The following MIB1 variants were observed in gnomAD, a reference collection of about 807,000 sequenced individuals.
MIB1 encodes the protein E3 ubiquitin-protein ligase MIB1.
MIB1 carries 278 observed loss-of-function variants against 124.5 expected under a neutral mutation model. That is an observed-to-expected ratio of 2.23 (90% confidence interval 2.02 to 2.47). The LOEUF (loss-of-function observed/expected upper bound fraction) is 2.47. MIB1 is among the 30% of genes most tolerant of loss of function. The probability of loss-of-function intolerance (pLI) is 0.00; values close to 1 mark genes in which losing one functional copy is unlikely to be tolerated. For synonymous variants in MIB1, 446 were observed against 429.4 expected (o/e 1.04, Z -0.48); for missense variants, 957 against 1,254.4 (o/e 0.76, Z 3.58).
At chr18:21,790,231 T>G (rs548076089) in intron 6 of MIB1, among the ~76,000 whole-genome samples, 3 of 152,368 alleles carry the variant, frequency 2.0e-5, no homozygotes, top group Non-Finnish European at 4.4e-5. Context: ...ATGTATGCTT[T>G]GATCAGATAG....
chr18:21,709,334 A>G (rs1255873982), intron 1 of MIB1, among the ~76,000 whole-genome samples: 2 of 151,530 alleles, frequency 1.3e-5, no homozygotes, highest in African/African-American at 2.4e-5. Context: ...AAAAAAAAAA[A>G]AAGTCGTGGT....
chr18:21,765,094 C>A (rs1185548441), intron 1 of MIB1, among the ~76,000 whole-genome samples: 2 of 152,086 alleles, frequency 1.3e-5, no homozygotes, highest in Non-Finnish European at 2.9e-5. Context: ...TATATTGGTA[C>A]CTTTTATAGT....
Position 21,765,924 on chromosome 18 carries a change from A to G in MIB1, c.382A>G (p.Thr128Ala). Residue 128 changes from threonine to alanine, a missense_variant, in exon 2 of 21, where the codon ACT (threonine) becomes GCT (alanine). Transcript: ENST00000261537. ...TTTAAGACATCGCTTTTACCGAATT[A>G]CTACACCGGGAAGTGAGAGGTAGGG... is the stretch of plus-strand genomic sequence containing the variant. The part of the protein sequence containing the change: ...HHLRHRFYRI[T>A]TPGSERVLLE... 2 of 1,614,074 alleles carry G rather than the reference A, an allele frequency of 1.2e-6. No homozygotes were observed. The highest frequency in any genetic ancestry group is 2.2e-5 in the South Asian group (2 of 91,070).
rs573203298 is a variant in MIB1, at chr18:21,742,276, C to CTT, written c.229+481_229+482dup. 4.8e-3 allele frequency among the ~76,000 whole-genome samples: 662 copies of CTT among 136,752 alleles called. 5 individuals are homozygous for CTT. The highest frequency in any genetic ancestry group is 8.6e-3 in the African/African-American group (322 of 37,266). The allele number at this position is 136,752 out of a possible 152,430, so 89.7% of individuals were successfully genotyped here. On this transcript the variant is annotated intron_variant, in intron 1 of 20. Transcript: ENST00000261537. Reference sequence around the variant, plus strand: ...TGGTACCTCGGATTTGTGGAGATGCCTTTTTTTTTTTTTTTTTTAACCTCC... The same window carrying CTT: ...TGGTACCTCGGATTTGTGGAGATGCCTTTTTTTTTTTTTTTTTTTTAACCTCC...
intron 4 of MIB1, among the ~76,000 whole-genome samples, chr18:21,776,615 TTAG>T (rs1263168761): frequency 2.6e-5 from 4 of 152,348 alleles, no homozygotes; most frequent in Admixed American, 1.3e-4. Context: ...ATTCAGATAC[TTAG>T]TAATTTGTTT....
intron 9 of MIB1, among the ~76,000 whole-genome samples, chr18:21,802,704 A>G (rs2041663013): frequency 6.6e-6 from 1 of 152,128 alleles, no homozygotes; most frequent in Non-Finnish European, 1.5e-5. Context: ...GTTCTTCTAT[A>G]AGAGGGGACA....
chr18:21,766,833 G>A (rs754038113), intron 2 of MIB1, among the ~76,000 whole-genome samples: 5 of 151,980 alleles, frequency 3.3e-5, no homozygotes, highest in African/African-American at 4.8e-5. Flanking sequence ...GAGGCCAGGC[G>A]TTCAAGACCA....
At chr18:21,719,963 T>C (rs1363218316) in intron 1 of MIB1, among the ~76,000 whole-genome samples, 1 of 152,130 alleles carries the variant, frequency 6.6e-6, no homozygotes, top group Non-Finnish European at 1.5e-5. Context: ...AACCCAAATA[T>C]GAGATATCTA....
intron 1 of MIB1, among the ~76,000 whole-genome samples, chr18:21,748,730 C>A (rs1307626348): frequency 1.9e-5 from 2 of 107,136 alleles, no homozygotes; most frequent in Admixed American, 2.0e-4. Flanking sequence ...CATGCCCAGC[C>A]TTTTTTTTTT....
At chr18:21,767,176 C>T (rs548286500) in intron 2 of MIB1, among the ~76,000 whole-genome samples, 16 of 152,152 alleles carry the variant, frequency 1.1e-4, no homozygotes, top group Admixed American at 8.5e-4. Flanking sequence ...GAAGAAATAC[C>T]CGAGACTGGG....
At chr18:21,718,295 T>C (rs2040698764) in intron 1 of MIB1, among the ~76,000 whole-genome samples, 1 of 152,184 alleles carries the variant, frequency 6.6e-6, no homozygotes, top group African/African-American at 2.4e-5. Flanking sequence ...CAGTGTATAC[T>C]GCTTGGGTGA....
upstream of MIB1, among the ~76,000 whole-genome samples, chr18:21,740,310 T>G (rs2040830119): frequency 6.6e-6 from 1 of 152,236 alleles, no homozygotes; most frequent in South Asian, 2.1e-4. Flanking sequence ...ACCCTAATTC[T>G]GCATAAAGTC....
At chr18:21,747,249 A>G (rs764577148) in intron 1 of MIB1, among the ~76,000 whole-genome samples, 3 of 152,220 alleles carry the variant, frequency 2.0e-5, no homozygotes, top group African/African-American at 7.2e-5. Flanking sequence ...ATGAAAGTCT[A>G]TCTAGTTCTT....
chr18:21,844,246 A>G lies in MIB1; in HGVS notation c.2204A>G (p.Lys735Arg), dbSNP rs777028210. The G allele has an allele frequency of 5.0e-6, 8 of 1,613,986 alleles. No homozygotes were observed. The highest frequency in any genetic ancestry group is 2.7e-5 in the African/African-American group (2 of 74,940). The change falls in exon 15 of 21, where the codon AAA becomes AGA. Residue 735 changes from lysine (K) to arginine (R), a missense_variant. By Grantham distance (26) the Lys-to-Arg change is conservative. Coordinates refer to ENST00000261537, the MANE Select transcript of MIB1 (RefSeq NM_020774.4). ...GTGGATGCTGCCTGGGAGCCATCCA[A>G]AAACACGGTGAGTAAAGATCATCTT... is the stretch of plus-strand genomic sequence containing the variant. Reference protein sequence around the residue: ...GKVDAAWEPSKNTLIMGLGTQ... With the variant: ...GKVDAAWEPSRNTLIMGLGTQ...
At chr18:21,773,235 G>GC (rs1460279716) in intron 3 of MIB1, among the ~76,000 whole-genome samples, 13 of 152,120 alleles carry the variant, frequency 8.5e-5, no homozygotes, top group Admixed American at 7.2e-4. Flanking sequence ...CTGCACTCCA[G>GC]CCCGGGCGAC....
chr18:21,794,469 CTCTA>C (rs2041551210), intron 7 of MIB1, among the ~76,000 whole-genome samples: 1 of 151,394 alleles, frequency 6.6e-6, no homozygotes, highest in Non-Finnish European at 1.5e-5. Flanking sequence ...CTCTCTCTCT[CTCTA>C]CAAGAGAGTC....
At position 21,870,292 on chromosome 18, in the gene MIB1, G is replaced by A. The variant is rs1027523134; in HGVS notation, c.*5626G>A. The stretch of plus-strand genomic sequence containing the variant: ...TAAAAAACCTGTTATTGTTAAAAAG[G>A]AAATTACCATGCCTTTAAGAAACAA... On this transcript the variant is annotated 3_prime_UTR_variant, in exon 21 of 21. Transcript: ENST00000261537. 6.6e-6 allele frequency: 1 copy of A among 152,166 alleles called. No homozygotes were observed. Among genetic ancestry groups the A allele is most frequent in the Non-Finnish European group, 1.5e-5 (1 of 67,952 alleles). The allele number at this position is 152,166 out of a possible 1,614,324, so 9.4% of individuals were successfully genotyped here.
intron 1 of MIB1, among the ~76,000 whole-genome samples, chr18:21,743,571 C>T (rs963562687): frequency 1.3e-5 from 2 of 151,682 alleles, no homozygotes; most frequent in African/African-American, 4.8e-5. Context: ...TTTTTGAAGA[C>T]GTTTTGTGAG....
At chr18:21,784,859 C>T (rs2041416107) in intron 6 of MIB1, among the ~76,000 whole-genome samples, 1 of 152,134 alleles carries the variant, frequency 6.6e-6, no homozygotes, top group Admixed American at 6.5e-5. Flanking sequence ...TGCTCCACCA[C>T]CTCTTGTGGA....
Sources: allele counts gnomAD v4.1 joint callset (sites outside exome capture counted in the v4.1 genomes callset), GRCh38; gene constraint gnomAD v4.1.1; transcripts MANE v1.5; gene names NCBI Gene and HGNC (gene_info 2026-07-23, HGNC 2026-07-21).